Variants in KIF6 observed in about 807,000 individuals in gnomAD.
KIF6 encodes the protein kinesin-like protein KIF6.
In KIF6, 106 loss-of-function variants were observed where a neutral mutation model predicts 112.7. That is an observed-to-expected ratio of 0.94 (90% CI 0.80 to 1.11). KIF6 has a LOEUF of 1.11. Among genes scored for constraint, KIF6 ranks in the 50% least tolerant of loss-of-function variants. KIF6 has a pLI of 0.00. For synonymous variants in KIF6, 339 were observed against 339.9 expected, an observed-to-expected ratio of 1.00 and a Z score of 0.03; for missense variants, 929 against 964.0, an observed-to-expected ratio of 0.96 and a Z score of 0.48.
Position 39,342,329 on chromosome 6 carries a change from T to C in KIF6, c.2428+1380A>G, listed in dbSNP as rs1763363587. 6.6e-6 allele frequency among the ~76,000 whole-genome samples: 1 copy of C among 152,234 alleles called. No homozygotes were observed. Among genetic ancestry groups the C allele is most frequent in the Non-Finnish European group, 1.5e-5 (1 of 68,048 alleles). ...CATAGTTTAGCTATTTCATAGCACT[T>C]ATTATCCCCTCAAACAATCTTACGT... On this transcript the variant is annotated intron_variant, in intron 22 of 22. Transcript: ENST00000287152. The surrounding 1 kb of genome is among the most constrained non-coding windows in gnomAD (Gnocchi z 4.7).
Position 39,343,206 on chromosome 6 carries a change from ACACG to A in KIF6, c.2428+499_2428+502del. 8.2e-7 allele frequency: 1 copy of A among 1,217,652 alleles called. No homozygotes were observed. Among genetic ancestry groups the A allele is most frequent in the Non-Finnish European group, 1.0e-6 (1 of 956,090 alleles). The allele number at this position is 1,217,652 out of a possible 1,614,324, so 75.4% of individuals were successfully genotyped here. On this transcript the variant is annotated intron_variant, in intron 22 of 22. Transcript: ENST00000287152. The surrounding 1 kb of genome is among the most constrained non-coding windows in gnomAD (Gnocchi z 4.1). ...AGCCTTCTTCTCTTCCTGTTGTCTG[ACACG>A]CCACTCTTACTTCCTCTGTGATTGT...
intron 13 of KIF6, among the ~76,000 whole-genome samples, chr6:39,486,126 A>G (rs1279281248): frequency 1.3e-5 from 2 of 152,172 alleles, no homozygotes; most frequent in African/African-American, 4.8e-5. Context: ...TATGTCCCCT[A>G]CCTCTGAATC....
intron 3 of KIF6, among the ~76,000 whole-genome samples, chr6:39,650,869 T>A (rs1289815068): frequency 1.3e-5 from 2 of 152,110 alleles, no homozygotes; most frequent in African/African-American, 4.8e-5. Context: ...AATTGATCAA[T>A]CACATTTCTT....
chr6:39,448,516 T>C (rs1772481937), intron 13 of KIF6, among the ~76,000 whole-genome samples: 2 of 152,156 alleles, frequency 1.3e-5, no homozygotes, highest in Non-Finnish European at 2.9e-5. Context: ...TTGTGTTCAT[T>C]TATTACCAGA....
intron 13 of KIF6, among the ~76,000 whole-genome samples, chr6:39,451,407 T>C (rs1391234991): frequency 1.3e-5 from 2 of 152,228 alleles, no homozygotes; most frequent in Non-Finnish European, 2.9e-5. Context: ...CATTTTGGAT[T>C]ATTTCTGTAG....
chr6:39,589,696 G>C (rs1311037355), intron 7 of KIF6, among the ~76,000 whole-genome samples: 1 of 152,158 alleles, frequency 6.6e-6, no homozygotes, highest in Admixed American at 6.5e-5. Flanking sequence ...GGTGGCAGAG[G>C]CATCTGGTTC....
chr6:39,429,675 C>T (rs1770999747), intron 14 of KIF6, among the ~76,000 whole-genome samples: 2 of 152,094 alleles, frequency 1.3e-5, no homozygotes, highest in South Asian at 2.1e-4. Context: ...TTTGGGAGGC[C>T]AAGGTGGGCG....
At chr6:39,351,223 TTC>T in intron 19 of KIF6, among the ~76,000 whole-genome samples, 1 of 151,174 alleles carries the variant, frequency 6.6e-6, no homozygotes, top group African/African-American at 2.4e-5. Context: ...TGTATTTCTT[TTC>T]TTTCTTTTTT....
chr6:39,574,916 T>G lies in KIF6; in HGVS notation c.1181+3140A>C, dbSNP rs1214562838. On this transcript the variant is annotated intron_variant, in intron 10 of 22. Coordinates refer to ENST00000287152, the MANE Select transcript of KIF6 (RefSeq NM_145027.6). ...AATCTGCCCCTCGGTTTTTTCATTCTGTTATTGAGCCATCTGTTAAGTTCT... is the reference window on the plus strand; with the variant it reads ...AATCTGCCCCTCGGTTTTTTCATTCGGTTATTGAGCCATCTGTTAAGTTCT... Among the ~76,000 whole-genome samples the G allele has an allele frequency of 2.6e-5, 4 of 152,350 alleles. No homozygotes were observed. In the South Asian group the frequency reaches 6.2e-4, roughly 24 times the overall value.
At chr6:39,420,872 C>A (rs1019666744) in intron 14 of KIF6, among the ~76,000 whole-genome samples, 16 of 152,070 alleles carry the variant, frequency 1.1e-4, no homozygotes, top group Admixed American at 9.2e-4. Context: ...TGGCTTCATG[C>A]TAGTCTACTA....
chr6:39,420,604 T>C (rs954150070), intron 14 of KIF6, among the ~76,000 whole-genome samples: 18 of 152,290 alleles, frequency 1.2e-4, no homozygotes, highest in African/African-American at 4.1e-4. Flanking sequence ...TCACCCTTTA[T>C]AGAAGAAGTT....
At chr6:39,471,083 G>C (rs188691705) in intron 13 of KIF6, among the ~76,000 whole-genome samples, 229 of 152,308 alleles carry the variant, frequency 1.5e-3, no homozygotes, top group Middle Eastern at 0.01. Context: ...ATGCAATCTG[G>C]AAGTGTTTTA....
At chr6:39,486,576 A>G (rs146637076) in intron 13 of KIF6, among the ~76,000 whole-genome samples, 1 of 152,354 alleles carries the variant, frequency 6.6e-6, no homozygotes, top group African/African-American at 2.4e-5. Context: ...ATGCAATTAT[A>G]CTGTGTTAAT....
chr6:39,477,103 C>T (rs1562249494), intron 13 of KIF6, among the ~76,000 whole-genome samples: 2 of 152,096 alleles, frequency 1.3e-5, no homozygotes, highest in Non-Finnish European at 2.9e-5. Flanking sequence ...GGCCCATAAA[C>T]ATATGAAAAG....
chr6:39,458,323 T>A (rs1202208595), intron 13 of KIF6, among the ~76,000 whole-genome samples: 22 of 149,760 alleles, frequency 1.5e-4, no homozygotes, highest in Non-Finnish European at 2.7e-4. Flanking sequence ...ATTCAACAAC[T>A]CTTCATGCTA....
At chr6:39,362,103 G>A (rs997399101) in intron 17 of KIF6, among the ~76,000 whole-genome samples, 5 of 152,070 alleles carry the variant, frequency 3.3e-5, no homozygotes, top group Non-Finnish European at 5.9e-5. Flanking sequence ...AGAGTATGAC[G>A]TTCTCAGGAC....
intron 13 of KIF6, among the ~76,000 whole-genome samples, chr6:39,447,255 A>T (rs1440622616): frequency 2.0e-5 from 3 of 152,120 alleles, no homozygotes; most frequent in Non-Finnish European, 4.4e-5. Context: ...TTCCACCACC[A>T]TGTCTTCCAG....
intron 12 of KIF6, among the ~76,000 whole-genome samples, chr6:39,541,578 G>A (rs1178268890): frequency 1.3e-5 from 2 of 152,150 alleles, no homozygotes; most frequent in Admixed American, 6.5e-5. Flanking sequence ...TCTAGGCATC[G>A]GTATAGAGCA....
chr6:39,414,866 C>T lies in KIF6; in HGVS notation c.1810+5082G>A, dbSNP rs1242099528. On this transcript the variant is annotated intron_variant, in intron 15 of 22. Coordinates refer to ENST00000287152, the MANE Select transcript of KIF6 (RefSeq NM_145027.6). ...ACAGAAATTCTAGTCTGGCCACTTA[C>T]AAAGGCCATTTCACTGCAACTCATT... 3.3e-5 allele frequency among the ~76,000 whole-genome samples: 5 copies of T among 151,818 alleles called. No homozygotes were observed. The East Asian group carries it at 9.7e-4, about 29-fold the overall frequency.
Sources: gnomAD v4.1 joint callset for allele counts (sites outside exome capture counted in the v4.1 genomes callset) on GRCh38, gnomAD v4.1.1 for gene constraint, Gnocchi (gnomAD v3.1) non-coding constraint, MANE v1.5 for transcripts, NCBI Gene and HGNC (gene_info 2026-07-23, HGNC 2026-07-21) for gene names.